The following MAGI2 variants were observed in gnomAD, a reference collection of about 807,000 sequenced individuals.
MAGI2 encodes the protein membrane-associated guanylate kinase, WW and PDZ domain-containing protein 2.
Under a neutral mutation model 133.3 loss-of-function variants are expected in MAGI2, and 35 were observed. That is an observed-to-expected ratio of 0.26 (90% confidence interval 0.20 to 0.35). The LOEUF (loss-of-function observed/expected upper bound fraction) is 0.35. MAGI2 is among the 10% of genes least tolerant of loss of function. MAGI2 has a pLI of 1.00. For synonymous variants in MAGI2, 729 were observed against 710.6 expected, an observed-to-expected ratio of 1.03 and a Z score of -0.41; for missense variants, 1,636 against 1,863.4, an observed-to-expected ratio of 0.88 and a Z score of 2.25.
chr7:78,503,427 G>A (rs1439624955), intron 4 of MAGI2, among the ~76,000 whole-genome samples: 1 of 152,000 alleles, frequency 6.6e-6, no homozygotes, highest in Non-Finnish European at 1.5e-5. Flanking sequence ...GTCAAGGGCA[G>A]AACCAGGTGG....
intron 6 of MAGI2, among the ~76,000 whole-genome samples, chr7:78,378,171 G>A (rs1794618892): frequency 6.6e-6 from 1 of 151,680 alleles, no homozygotes; most frequent in Admixed American, 6.6e-5. Context: ...TAAAATATAA[G>A]GACTATTGAG....
intron 12 of MAGI2, among the ~76,000 whole-genome samples, chr7:78,190,678 G>A (rs1828120164): frequency 6.6e-6 from 1 of 152,134 alleles, no homozygotes; most frequent in Non-Finnish European, 1.5e-5. Flanking sequence ...AGAGAAAGAA[G>A]GGCAGGAGGA....
intron 1 of MAGI2, among the ~76,000 whole-genome samples, chr7:79,303,188 A>G (rs1837514518): frequency 6.6e-6 from 1 of 152,246 alleles, no homozygotes; most frequent in Non-Finnish European, 1.5e-5. Context: ...ACACAAAGCT[A>G]CATTTGGGGT....
At chr7:78,631,057 T>C (rs161287) in intron 2 of MAGI2, among the ~76,000 whole-genome samples, 44,736 of 152,004 alleles carry the variant, frequency 0.29, 7,045 homozygotes, top group East Asian at 0.61. Flanking sequence ...GGAAGCTTCC[T>C]GTCGAAGGTT....
intron 2 of MAGI2, among the ~76,000 whole-genome samples, chr7:78,768,807 C>G (rs771154187): frequency 2.0e-5 from 3 of 152,140 alleles, no homozygotes; most frequent in Non-Finnish European, 2.9e-5. Context: ...ATTTTGCATC[C>G]TCATGCTCCC....
chr7:78,044,700 T>TGC (rs1028537516), intron 21 of MAGI2, among the ~76,000 whole-genome samples: 200 of 88,194 alleles, frequency 2.3e-3, no homozygotes, highest in Middle Eastern at 0.021. Flanking sequence ...TGTGTGTGTG[T>TGC]GTGTGCACGT....
At chr7:78,740,272 A>G (rs2151250672) in intron 2 of MAGI2, among the ~76,000 whole-genome samples, 1 of 152,126 alleles carries the variant, frequency 6.6e-6, no homozygotes, top group South Asian at 2.1e-4. Context: ...ACCTAACCTC[A>G]TCTTTGCCAT....
chr7:78,187,092 A>G (rs1014782198), intron 12 of MAGI2, among the ~76,000 whole-genome samples: 9 of 152,162 alleles, frequency 5.9e-5, no homozygotes, highest in Non-Finnish European at 1.3e-4. Flanking sequence ...TAAGTTTACC[A>G]TATTGTTTTG....
chr7:78,349,471 A>G (rs911557162), intron 7 of MAGI2, among the ~76,000 whole-genome samples: 4 of 152,212 alleles, frequency 2.6e-5, no homozygotes, highest in African/African-American at 7.2e-5. Flanking sequence ...GCAGTTATGC[A>G]TACAACCCAG....
In MAGI2 at chr7:78,466,479, G is replaced by A. The variant is rs376691385; in HGVS notation, c.1045+23282C>T. Among the ~76,000 whole-genome samples the A allele has an allele frequency of 6.0e-4, 92 of 152,244 alleles. 1 individual carries two copies. The South Asian group carries it at 0.017, about 28-fold the overall frequency. On this transcript the variant is annotated intron_variant, in intron 6 of 21. Coordinates refer to ENST00000354212, the MANE Select transcript of MAGI2 (RefSeq NM_012301.4). The stretch of plus-strand genomic sequence containing the variant: ...TGTGAGGATTTATGTGTTTGCATGC[G>A]CCTAATTTAAGTGTGTTATTTTGAA...
At chr7:78,915,420 T>G (rs1320040893) in intron 2 of MAGI2, among the ~76,000 whole-genome samples, 2 of 152,124 alleles carry the variant, frequency 1.3e-5, no homozygotes, top group Non-Finnish European at 2.9e-5. Context: ...AGTTCTATTT[T>G]AACATTCTCT....
intron 2 of MAGI2, among the ~76,000 whole-genome samples, chr7:78,914,864 A>G (rs549496488): frequency 1.7e-4 from 26 of 152,274 alleles, no homozygotes; most frequent in African/African-American, 6.3e-4. Context: ...GACAATGTCA[A>G]AGAGACGGCT....
intron 2 of MAGI2, among the ~76,000 whole-genome samples, chr7:78,663,223 T>TC (rs1370674353): frequency 8.1e-6 from 1 of 123,156 alleles, no homozygotes; most frequent in African/African-American, 3.0e-5. Flanking sequence ...TTTTTTTTTT[T>TC]CCAGACACAG....
rs572100605 is a variant in MAGI2, at chr7:78,404,626, C to T, written c.1046-35413G>A. On this transcript the variant is annotated intron_variant, in intron 6 of 21. Coordinates refer to ENST00000354212, the MANE Select transcript of MAGI2 (RefSeq NM_012301.4). ...AAACTGGCTAGCCATATATAGAAAG[C>T]TGAAACTGGATCTCTTCCTTATACC... Among the ~76,000 whole-genome samples the T allele has an allele frequency of 7.4e-4, 113 of 152,216 alleles. 1 individual carries two copies. Among genetic ancestry groups the T allele is most frequent in the African/African-American group, 2.4e-3 (100 of 41,536 alleles).
At chr7:78,711,255 C>G (rs757123101) in intron 2 of MAGI2, among the ~76,000 whole-genome samples, 23 of 152,054 alleles carry the variant, frequency 1.5e-4, no homozygotes, top group Non-Finnish European at 3.1e-4. Context: ...CCTACTAGGT[C>G]TCAGACTAAA....
chr7:78,348,849 TAA>T (rs1246702788), intron 7 of MAGI2, among the ~76,000 whole-genome samples: 2 of 152,214 alleles, frequency 1.3e-5, no homozygotes, highest in Non-Finnish European at 2.9e-5. Context: ...ATAGAATTGA[TAA>T]GATAGGTTCC....
chr7:78,685,884 C>A (rs1816242498), intron 2 of MAGI2, among the ~76,000 whole-genome samples: 1 of 151,752 alleles, frequency 6.6e-6, no homozygotes, highest in African/African-American at 2.4e-5. Context: ...ACTCTACCTC[C>A]AAAATATTAG....
intron 2 of MAGI2, among the ~76,000 whole-genome samples, chr7:78,993,492 G>A (rs1218978144): frequency 6.6e-6 from 1 of 151,962 alleles, no homozygotes; most frequent in Non-Finnish European, 1.5e-5. Flanking sequence ...TTGCAGGAGG[G>A]CTCTACTGTT....
At chr7:79,387,395 T>C (rs576053136) in intron 1 of MAGI2, among the ~76,000 whole-genome samples, 1 of 152,168 alleles carries the variant, frequency 6.6e-6, no homozygotes, top group African/African-American at 2.4e-5. Context: ...TTCTATCATA[T>C]CTCTGTATTG....
Sources: gnomAD v4.1 joint callset for allele counts (sites outside exome capture counted in the v4.1 genomes callset) on GRCh38, gnomAD v4.1.1 for gene constraint, MANE v1.5 for transcripts, NCBI Gene and HGNC (gene_info 2026-07-23, HGNC 2026-07-21) for gene names.